Variants in HNRNPH1 observed in about 807,000 individuals in gnomAD.
HNRNPH1 encodes the protein heterogeneous nuclear ribonucleoprotein H.
Under a neutral mutation model 58.6 loss-of-function variants are expected in HNRNPH1, and 4 were observed. That is an observed-to-expected ratio of 0.07 (90% CI 0.03 to 0.16). The LOEUF (loss-of-function observed/expected upper bound fraction) is 0.16. HNRNPH1 is among the 10% of genes least tolerant of loss of function. The pLI is 1.00. For synonymous variants in HNRNPH1, 192 were observed against 189.2 expected (o/e 1.01, Z -0.12); for missense variants, 271 against 564.2 (o/e 0.48, Z 5.26).
At chr5:179,625,949 T>TTATTTATG (rs1774354780), upstream of HNRNPH1, among the ~76,000 whole-genome samples, 1 of 151,286 alleles carries the variant, frequency 6.6e-6, no homozygotes, top group Non-Finnish European at 1.5e-5. Flanking sequence ...ATTTATTTAT[T>TTATTTATG]TATTTATTTA....
At chr5:179,623,502 C>CGCGGCTCTCGACGGCAGCCT (rs1454766020) in exon 1 of HNRNPH1, 5 of 177,532 alleles carry the variant, frequency 2.8e-5, no homozygotes, top group African/African-American at 1.2e-4. Context: ...GCGAACCACT[C>CGCGGCTCTCGACGGCAGCCT]GCGGCTCTCG....
upstream of HNRNPH1, chr5:179,629,123 C>T (rs547718825): frequency 6.7e-5 from 10 of 149,470 alleles, no homozygotes; most frequent in East Asian, 1.6e-3. Context: ...CAGTGAAACC[C>T]CGTCTCTACT....
At chr5:179,616,079 A>G in intron 11 of HNRNPH1, 47 bp downstream of exon 12, 1 of 1,463,884 alleles carries the variant, frequency 6.8e-7, no homozygotes, top group Non-Finnish European at 9.6e-7. Context: ...AGTAATGAAC[A>G]GGCTTTACCA....
At chr5:179,615,011 AATAAAAT>A in intron 12 of HNRNPH1, 52 bp from the exon 14 acceptor site, 1 of 1,060,498 alleles carries the variant, frequency 9.4e-7, no homozygotes, top group Admixed American at 2.0e-5. Context: ...CTACCAGTCA[AATAAAAT>A]ATAGTATTCC....
At chr5:179,633,591 C>T (rs1487660685) in intron 2 of HNRNPH1, among the ~76,000 whole-genome samples, 1 of 149,948 alleles carries the variant, frequency 6.7e-6, no homozygotes, top group African/African-American at 2.5e-5. Flanking sequence ...GGATTACGGG[C>T]GTGAGCCACC....
chr5:179,633,923 T>TAAATA (rs150750891), intron 2 of HNRNPH1: 20,590 of 147,556 alleles, frequency 0.14, 1,629 homozygotes, highest in African/African-American at 0.2. Context: ...GTCTCTAAAA[T>TAAATA]AAATAAAATA....
intron 2 of HNRNPH1, among the ~76,000 whole-genome samples, chr5:179,632,295 G>C (rs1380932191): frequency 6.8e-6 from 1 of 146,896 alleles, no homozygotes; most frequent in Non-Finnish European, 1.5e-5. Flanking sequence ...GTGACAGAGC[G>C]AGACTCCGTC....
intron 1 of HNRNPH1, chr5:179,622,092 G>A (rs928101130): frequency 4.9e-5 from 21 of 424,624 alleles, no homozygotes; most frequent in Non-Finnish European, 9.3e-5. Flanking sequence ...TAGGAACAAG[G>A]ACATTCTGAT....
chr5:179,615,221 G>A, intron 12 of HNRNPH1: 3 of 430,834 alleles, frequency 7.0e-6, no homozygotes, highest in Non-Finnish European at 1.2e-5. Flanking sequence ...TAAGTTTAAA[G>A]GAAAACTAGT....
At chr5:179,618,227 G>T in exon 5 of HNRNPH1, 1 of 1,614,048 alleles carries the variant, frequency 6.2e-7, no homozygotes, top group Non-Finnish European at 8.5e-7. Flanking sequence ...CCCCAGGTCT[G>T]TCATAAGGAC....
intron 2 of HNRNPH1, among the ~76,000 whole-genome samples, chr5:179,632,270 C>T (rs1007570804): frequency 1.5e-4 from 23 of 151,540 alleles, no homozygotes; most frequent in Admixed American, 4.6e-4. Context: ...ATCCCGCCAC[C>T]GCACTCCAGC....
chr5:179,623,317 AC>A, exon 1 of HNRNPH1: 1 of 456,298 alleles, frequency 2.2e-6, no homozygotes. Context: ...CGGCGACCGG[AC>A]CCCCAAAGCT....
chr5:179,621,010 C>T, exon 3 of HNRNPH1: 1 of 1,614,058 alleles, frequency 6.2e-7, no homozygotes, highest in Non-Finnish European at 8.5e-7. Context: ...ACACCCAATC[C>T]ATTTCAACGT....
Position 179,618,369 on chromosome 5 carries a change from A to G in HNRNPH1, c.537-46T>C, listed in dbSNP as rs778142957. The G allele has an allele frequency of 4.3e-5, 58 of 1,342,656 alleles. No homozygotes were observed. The Admixed American group carries it at 7.4e-4, about 17-fold the overall frequency. The allele number at this position is 1,342,656 out of a possible 1,614,324, so 83.2% of individuals were successfully genotyped here. A position where few individuals can be genotyped will look rare whatever the true frequency, so the allele number is the denominator to read the frequency against. On this transcript the variant is annotated intron_variant, in intron 4 of 12. Coordinates refer to ENST00000356731, the Ensembl canonical transcript of HNRNPH1. Reference sequence around the variant, plus strand: ...AAGGGGTAGGGAGGGGAGAGAAAACATTAGTTCATTTTATACAGGTATTTA... The same window carrying G: ...AAGGGGTAGGGAGGGGAGAGAAAACGTTAGTTCATTTTATACAGGTATTTA...
intron 2 of HNRNPH1, among the ~76,000 whole-genome samples, chr5:179,632,200 T>A (rs1484582781): frequency 6.6e-6 from 1 of 151,254 alleles, no homozygotes; most frequent in African/African-American, 2.4e-5. Context: ...CCCAGCTACT[T>A]GGGAGGCTGA....
Position 179,614,906 on chromosome 5 carries a change from T to C in HNRNPH1, c.*54A>G, listed in dbSNP as rs73336147. The C allele has an allele frequency of 9.3e-4, 1,445 of 1,545,828 alleles. 11 individuals carry two copies. In the African/African-American group the frequency reaches 0.018, roughly 19 times the overall value. ...AACCCTCCCATTCCGTTCACGCCCA[T>C]AGATGCACGGCTTCCACTACTGTAG... On this transcript the variant is annotated 3_prime_UTR_variant, in exon 13 of 13. Transcript: ENST00000356731.
chr5:179,615,393 G>T (rs1204081052), intron 12 of HNRNPH1, 153 bp downstream of exon 13: 1 of 520,156 alleles, frequency 1.9e-6, no homozygotes, highest in African/African-American at 1.9e-5. Flanking sequence ...TGGGCAGGAA[G>T]TGAGACAACC....
chr5:179,616,262 GTGGTACC>G lies in HNRNPH1; in HGVS notation c.1208-51_1208-45del, dbSNP rs771993486. ...ATTAGAACCTTTTTTCTTATGTGAT[GTGGTACC>G]TGGTGGTACCGGGCTTGTAATTCTA... On this transcript the variant is annotated intron_variant, in intron 10 of 12. Transcript: ENST00000356731. 9 of 1,355,160 alleles carry G rather than the reference GTGGTACC, an allele frequency of 6.6e-6. No homozygotes were observed. The South Asian group carries it at 1.0e-4, about 16-fold the overall frequency. The allele number at this position is 1,355,160 out of a possible 1,614,324, so 83.9% of individuals were successfully genotyped here.
chr5:179,617,862 T>C (rs1003583023), exon 7 of HNRNPH1: 7 of 1,613,520 alleles, frequency 4.3e-6, no homozygotes, highest in Non-Finnish European at 5.9e-6. Flanking sequence ...AGTGTCCTGT[T>C]GTGCTCTGGA....
Sources: gnomAD v4.1 joint callset for allele counts (sites outside exome capture counted in the v4.1 genomes callset) on GRCh38, gnomAD v4.1.1 for gene constraint, MANE v1.5 for transcripts, NCBI Gene and HGNC (gene_info 2026-07-23, HGNC 2026-07-21) for gene names.